Variants in INPP4A observed in about 807,000 individuals in gnomAD.
INPP4A encodes inositol polyphosphate-4-phosphatase, type I, 107kD.
INPP4A carries 33 observed loss-of-function variants against 119.8 expected under a neutral mutation model. That is an observed-to-expected ratio of 0.28 (90% CI 0.21 to 0.37). The LOEUF (loss-of-function observed/expected upper bound fraction) is 0.37. Ranked by LOEUF, INPP4A falls within the 10% of genes least tolerant of loss-of-function variation. The pLI is 1.00. For missense variants in INPP4A, 956 were observed against 1,289.9 expected (o/e 0.74, Z 3.97); for synonymous variants, 496 against 500.7 (o/e 0.99, Z 0.12).
chr2:98,591,310 A>G lies in INPP4A; in HGVS notation c.*3702A>G, dbSNP rs1253839082. 1 of 159,390 alleles carries G rather than the reference A, an allele frequency of 6.3e-6. No individual in the cohort carries two copies. The highest frequency in any genetic ancestry group is 1.6e-4 in the East Asian group (1 of 6,408). The allele number at this position is 159,390 out of a possible 1,614,324, so 9.9% of individuals were successfully genotyped here. ...CATGGGCCATGCTCAGTTTAATATT[A>G]TTAACAGTTTCTACCTTCACTCTCA... On this transcript the variant is annotated 3_prime_UTR_variant, in exon 25 of 25. Transcript: ENST00000409851.
At chr2:98,535,494 A>T (rs1469174930) in intron 5 of INPP4A, among the ~76,000 whole-genome samples, 1 of 152,132 alleles carries the variant, frequency 6.6e-6, no homozygotes, top group Non-Finnish European at 1.5e-5. Context: ...TAATGGGCTG[A>T]TTTATTGTAT....
At chr2:98,486,650 A>C (rs1255081002) in intron 1 of INPP4A, among the ~76,000 whole-genome samples, 1 of 135,600 alleles carries the variant, frequency 7.4e-6, no homozygotes, top group East Asian at 2.1e-4. Flanking sequence ...CATACAGGTT[A>C]CATCAGGAGT....
At chr2:98,498,645 G>C (rs1488173122) in intron 1 of INPP4A, among the ~76,000 whole-genome samples, 1 of 152,120 alleles carries the variant, frequency 6.6e-6, no homozygotes, top group Non-Finnish European at 1.5e-5. Context: ...GTTAAGGACT[G>C]AATTGTGTCT....
At chr2:98,494,938 C>G (rs534112985) in intron 1 of INPP4A, among the ~76,000 whole-genome samples, 1 of 152,232 alleles carries the variant, frequency 6.6e-6, no homozygotes, top group African/African-American at 2.4e-5. Flanking sequence ...TACAGACAGC[C>G]CTGATAAAAT....
chr2:98,539,708 A>G, intron 10 of INPP4A, 33 bp downstream of exon 10: 1 of 1,586,160 alleles, frequency 6.3e-7, no homozygotes, highest in South Asian at 1.1e-5. Context: ...ACTGTCCATC[A>G]TACCCATGTC....
At chr2:98,533,663 C>T (rs1274141599) in intron 5 of INPP4A, among the ~76,000 whole-genome samples, 168 bp downstream of exon 5, 1 of 152,214 alleles carries the variant, frequency 6.6e-6, no homozygotes, top group Non-Finnish European at 1.5e-5. Flanking sequence ...CACATTTACT[C>T]ATCTGGGTGG....
At chr2:98,531,365 A>C (rs1689176365) in intron 4 of INPP4A, among the ~76,000 whole-genome samples, 1 of 152,228 alleles carries the variant, frequency 6.6e-6, no homozygotes, top group Non-Finnish European at 1.5e-5. Context: ...AAGCCAGAGC[A>C]ATAAAAATAA....
intron 5 of INPP4A, 24 bp downstream of exon 5, chr2:98,533,519 G>C (rs758288363): frequency 6.5e-6 from 9 of 1,394,758 alleles, no homozygotes; most frequent in Middle Eastern, 1.8e-4. Context: ...GTCTCTCTCT[G>C]AGGGGCTGTG....
intron 1 of INPP4A, among the ~76,000 whole-genome samples, chr2:98,447,071 C>G (rs1439838683): frequency 6.6e-6 from 1 of 152,142 alleles, no homozygotes; most frequent in Non-Finnish European, 1.5e-5. Flanking sequence ...ACCGACTGCC[C>G]CACTGATCCC....
At chr2:98,587,041 C>T (rs1049928888) in intron 24 of INPP4A, among the ~76,000 whole-genome samples, 1 of 152,238 alleles carries the variant, frequency 6.6e-6, no homozygotes, top group African/African-American at 2.4e-5. Context: ...GATTACAGCT[C>T]TTGCTAATAC....
At chr2:98,542,857 T>C (rs1691735262) in intron 10 of INPP4A, among the ~76,000 whole-genome samples, 1 of 151,794 alleles carries the variant, frequency 6.6e-6, no homozygotes, top group South Asian at 2.1e-4. Flanking sequence ...AGCACACACA[T>C]AAAGACAAGG....
At chr2:98,481,316 C>T (rs1241718182) in intron 1 of INPP4A, among the ~76,000 whole-genome samples, 3 of 152,088 alleles carry the variant, frequency 2.0e-5, no homozygotes, top group Admixed American at 6.5e-5. Context: ...ATGTCTTCCT[C>T]TGAAAATTCC....
At chr2:98,471,573 G>A (rs891793730) in intron 1 of INPP4A, among the ~76,000 whole-genome samples, 1 of 152,224 alleles carries the variant, frequency 6.6e-6, no homozygotes, top group East Asian at 1.9e-4. Flanking sequence ...CTCACAGGCT[G>A]CAGCCTCAGG....
At chr2:98,564,997 T>A (rs936415907) in intron 19 of INPP4A, among the ~76,000 whole-genome samples, 4 of 152,248 alleles carry the variant, frequency 2.6e-5, no homozygotes, top group African/African-American at 9.6e-5. Context: ...CCTGTTGGAC[T>A]TTGGGTTGTT....
chr2:98,451,703 C>A (rs1028243838), intron 1 of INPP4A, among the ~76,000 whole-genome samples: 1 of 152,140 alleles, frequency 6.6e-6, no homozygotes, highest in Non-Finnish European at 1.5e-5. Context: ...ATATTGAACG[C>A]CCTTCTTTCC....
chr2:98,560,123 C>CA (rs1158410672), intron 17 of INPP4A, among the ~76,000 whole-genome samples: 1 of 152,188 alleles, frequency 6.6e-6, no homozygotes, highest in Non-Finnish European at 1.5e-5. Flanking sequence ...TAGCTCTTTA[C>CA]AGAAAATGTG....
intron 1 of INPP4A, among the ~76,000 whole-genome samples, chr2:98,447,436 C>A (rs1461552076): frequency 2.6e-5 from 4 of 152,092 alleles, no homozygotes; most frequent in Admixed American, 2.6e-4. Context: ...ATATTAACGC[C>A]CATGCAGGCT....
At chr2:98,555,516 G>A (rs774807083) in intron 15 of INPP4A, 37 bp from the exon 16 acceptor site, 16 of 1,559,438 alleles carry the variant, frequency 1.0e-5, no homozygotes, top group Non-Finnish European at 1.3e-5. Flanking sequence ...TTTCTGTTCG[G>A]GAGAGCTGAC....
chr2:98,481,107 A>G (rs1444584804), intron 1 of INPP4A, among the ~76,000 whole-genome samples: 1 of 152,206 alleles, frequency 6.6e-6, no homozygotes, highest in African/African-American at 2.4e-5. Context: ...TTCAATGCCA[A>G]CACTGGGGAG....
Sources: allele counts gnomAD v4.1 joint callset (sites outside exome capture counted in the v4.1 genomes callset), GRCh38; gene constraint gnomAD v4.1.1; transcripts MANE v1.5; gene names NCBI Gene and HGNC (gene_info 2026-07-23, HGNC 2026-07-21).